The following RAD52 variants were observed in gnomAD, a reference collection of about 807,000 sequenced individuals.
RAD52 encodes the protein RAD52 DNA repair protein.
In RAD52, 47 loss-of-function variants were observed where a neutral mutation model predicts 55.5. The ratio of observed to expected loss-of-function variants is 0.85; its 90% CI spans 0.67 to 1.08. The LOEUF (loss-of-function observed/expected upper bound fraction) is 1.08. RAD52 is among the 50% of genes least tolerant of loss of function. The pLI, the probability that RAD52 is intolerant of heterozygous loss-of-function variation, is 0.00. For missense variants in RAD52, 468 were observed against 522.8 expected (o/e 0.90, Z 1.02); for synonymous variants, 184 against 198.9 (o/e 0.92, Z 0.63).
chr12:953,811 C>T (rs2154120249), upstream of RAD52, among the ~76,000 whole-genome samples: 1 of 152,346 alleles, frequency 6.6e-6, no homozygotes, highest in East Asian at 1.9e-4. Flanking sequence ...ACCTTCCCCA[C>T]TGTGAACATC....
At chr12:961,983 G>A (rs1159768340) in intron 1 of RAD52, among the ~76,000 whole-genome samples, 1 of 152,158 alleles carries the variant, frequency 6.6e-6, no homozygotes, top group Non-Finnish European at 1.5e-5. Context: ...GTAAGCCAAG[G>A]AGAGATGCCT....
intron 9 of RAD52, among the ~76,000 whole-genome samples, chr12:915,059 G>C (rs1342229667): frequency 6.6e-6 from 1 of 152,216 alleles, no homozygotes; most frequent in Admixed American, 6.5e-5. Flanking sequence ...CTTGAGCTCA[G>C]GAAGGTCAAA....
intron 1 of RAD52, among the ~76,000 whole-genome samples, chr12:970,018 A>G (rs535234891): frequency 2.7e-4 from 41 of 151,866 alleles, no homozygotes; most frequent in Admixed American, 7.9e-4. Context: ...TTCTGGTGAT[A>G]TAATTTAGGG....
intron 1 of RAD52, among the ~76,000 whole-genome samples, chr12:944,785 T>TTTC (rs1958120927): frequency 8.0e-5 from 12 of 150,816 alleles, no homozygotes; most frequent in Non-Finnish European, 1.5e-4. Context: ...TTTTTTTTTT[T>TTTC]GAGGAGTCTC....
intron 1 of RAD52, among the ~76,000 whole-genome samples, chr12:960,248 T>TTA (rs1958664660): frequency 6.6e-6 from 1 of 152,144 alleles, no homozygotes; most frequent in Admixed American, 6.6e-5. Context: ...AGATGGTAGC[T>TTA]TAGTGAAGTT....
At chr12:977,316 T>G (rs1958946856) in intron 1 of RAD52, among the ~76,000 whole-genome samples, 1 of 152,216 alleles carries the variant, frequency 6.6e-6, no homozygotes, top group Non-Finnish European at 1.5e-5. Flanking sequence ...TGTGCCATAC[T>G]GAAGTTACGT....
At chr12:953,859 C>G (rs1175389048), upstream of RAD52, among the ~76,000 whole-genome samples, 2 of 152,086 alleles carry the variant, frequency 1.3e-5, no homozygotes, top group Non-Finnish European at 2.9e-5. Context: ...CTACATGTTC[C>G]TTTATAAACT....
intron 1 of RAD52, among the ~76,000 whole-genome samples, chr12:935,219 A>C (rs1231770950): frequency 6.6e-6 from 1 of 152,104 alleles, no homozygotes; most frequent in Non-Finnish European, 1.5e-5. Context: ...TAGAAGCCAC[A>C]ATCACTGAAA....
intron 1 of RAD52, among the ~76,000 whole-genome samples, chr12:949,060 T>G (rs1273513084): frequency 2.0e-5 from 3 of 152,072 alleles, no homozygotes; most frequent in Non-Finnish European, 4.4e-5. Flanking sequence ...ATTTTTATTT[T>G]TATTTTTTCC....
chr12:933,517 A>G (rs1224838365), intron 1 of RAD52, among the ~76,000 whole-genome samples: 2 of 151,906 alleles, frequency 1.3e-5, no homozygotes, highest in East Asian at 3.9e-4. Context: ...TAAGCTTCTA[A>G]GCACTGCTCC....
In RAD52 at chr12:972,830, G is replaced by A. The variant is rs191464056; in HGVS notation, c.-19+16979C>T. 2.9e-3 allele frequency among the ~76,000 whole-genome samples: 444 copies of A among 151,794 alleles called. 1 individual carries two copies. Among genetic ancestry groups the A allele is most frequent in the African/African-American group, 0.01 (416 of 41,408 alleles). ...GGGGGCACACCTGGCATGGTTGGGG[G>A]AACAGTAGGGAAATTGGGGCAACTG... is the stretch of plus-strand genomic sequence containing the variant. On this transcript the variant is annotated intron_variant, in intron 1 of 11. Transcript: ENST00000430095.
chr12:950,220 T>C (rs1377353474), upstream of RAD52, among the ~76,000 whole-genome samples: 1 of 152,166 alleles, frequency 6.6e-6, no homozygotes, highest in Non-Finnish European at 1.5e-5. Flanking sequence ...GCGCCTTCGG[T>C]TAGCGACGAC....
At chr12:990,578 C>T (rs1019349763), upstream of RAD52, 1 of 152,292 alleles carries the variant, frequency 6.6e-6, no homozygotes, top group Admixed American at 6.5e-5. Context: ...GACACGACGT[C>T]CATTGCTGGG....
upstream of RAD52, among the ~76,000 whole-genome samples, chr12:951,304 G>T (rs1958522106): frequency 6.6e-6 from 1 of 152,024 alleles, no homozygotes; most frequent in Admixed American, 6.6e-5. Flanking sequence ...GTAGAGACAA[G>T]GTCTTTCTAT....
chr12:944,608 TAA>T (rs778682036), intron 1 of RAD52, among the ~76,000 whole-genome samples: 10 of 93,576 alleles, frequency 1.1e-4, no homozygotes, highest in Admixed American at 2.1e-4. Flanking sequence ...AAAAACATGG[TAA>T]AAAAAAAAAA....
intron 6 of RAD52, among the ~76,000 whole-genome samples, chr12:925,833 GAGTT>G (rs952300758): frequency 6.6e-6 from 1 of 152,050 alleles, no homozygotes; most frequent in Non-Finnish European, 1.5e-5. Flanking sequence ...AAACTGCAGA[GAGTT>G]TTTCTTTTTT....
chr12:933,927 G>C (rs140313130), intron 1 of RAD52, among the ~76,000 whole-genome samples: 165 of 152,016 alleles, frequency 1.1e-3, no homozygotes, highest in African/African-American at 3.8e-3. Flanking sequence ...TTTGAGACTA[G>C]CCTAGACAAC....
intron 5 of RAD52, 41 bp downstream of exon 5, chr12:929,778 C>T (rs1273058189): frequency 6.4e-7 from 1 of 1,571,268 alleles, no homozygotes; most frequent in South Asian, 1.1e-5. Flanking sequence ...TCCTACCACC[C>T]ACTGATCCTT....
chr12:926,569 C>T (rs10849592), intron 6 of RAD52, among the ~76,000 whole-genome samples: 20,500 of 152,038 alleles, frequency 0.13, 1,665 homozygotes, highest in Middle Eastern at 0.22. Flanking sequence ...CTCTCTTGCT[C>T]CCTCTCTCTC....
Sources: allele counts gnomAD v4.1 joint callset (sites outside exome capture counted in the v4.1 genomes callset), GRCh38; gene constraint gnomAD v4.1.1; transcripts MANE v1.5; gene names NCBI Gene and HGNC (gene_info 2026-07-23, HGNC 2026-07-21).